Variants in ZNF770 observed in about 807,000 individuals in gnomAD.
ZNF770 encodes zinc finger protein 770.
Under a neutral mutation model 44.8 loss-of-function variants are expected in ZNF770, and 13 were observed. That is an observed-to-expected ratio of 0.29 (90% confidence interval 0.19 to 0.46). The LOEUF is 0.46. Among genes scored for constraint, ZNF770 ranks in the 20% least tolerant of loss-of-function variants. The pLI is 1.00. For synonymous variants in ZNF770, 304 were observed against 271.8 expected, an observed-to-expected ratio of 1.12 and a Z score of -1.17; for missense variants, 681 against 797.9, an observed-to-expected ratio of 0.85 and a Z score of 1.77.
chr15:34,983,044 T>C lies in ZNF770; in HGVS notation c.391A>G (p.Asn131Asp). The change falls in exon 3 of 3, where the codon AAT becomes GAT. Residue 131 changes from asparagine to aspartate, a missense_variant. Around this residue, in one of 5 missense-constraint regions of ZNF770, gnomAD observed 432 missense variants for 434.1 expected, o/e 1.00. Transcript: ENST00000356321. Reference protein sequence around the residue: ...KQEKSMYGVYNTFTTEERWAL... With the variant: ...KQEKSMYGVYDTFTTEERWAL... ...CATCTTTCCTCTGTGGTAAAAGTAT[T>C]ATACACTCCATACATTGACTTTTCT... 1 of 1,614,090 alleles carries C rather than the reference T, an allele frequency of 6.2e-7. No individual in the cohort carries two copies. Among genetic ancestry groups the C allele is most frequent in the Non-Finnish European group, 8.5e-7 (1 of 1,179,956 alleles).
In ZNF770 at chr15:34,978,375, G is replaced by A. The variant is rs1019381859; in HGVS notation, c.*2984C>T. The A allele has an allele frequency of 2.1e-4, 30 of 142,986 alleles. No homozygotes were observed. The highest frequency in any genetic ancestry group is 8.3e-4 in the African/African-American group (30 of 35,938). 8.9% of individuals were successfully genotyped at this position (142,986 alleles called of 1,614,324 possible). Reference sequence around the variant, plus strand: ...TGGAACTTTATTTTTAAAGTATTCTGAAAATTTTCCAAGAATTTTAACCAC... The same window carrying A: ...TGGAACTTTATTTTTAAAGTATTCTAAAAATTTTCCAAGAATTTTAACCAC... On this transcript the variant is annotated 3_prime_UTR_variant, in exon 3 of 3. Coordinates refer to ENST00000356321, the MANE Select transcript of ZNF770 (RefSeq NM_014106.4).
At position 34,983,435 on chromosome 15, in the gene ZNF770, AT is replaced by A; in HGVS notation, c.-2del. 1 of 1,544,046 alleles carries A rather than the reference AT, an allele frequency of 6.5e-7. No individual in the cohort carries two copies. The highest frequency in any genetic ancestry group is 8.7e-7 in the Non-Finnish European group (1 of 1,144,224). ...TTTTTAAATTGTTTTCAGCCATCAT[AT>A]TCTTCAATGATATACTCTGATGAGC... On this transcript the variant is annotated 5_prime_UTR_variant, in exon 3 of 3. Coordinates refer to ENST00000356321, the MANE Select transcript of ZNF770 (RefSeq NM_014106.4).
At position 34,979,737 on chromosome 15, in the gene ZNF770, AAT is replaced by A. The variant is rs1408318762; in HGVS notation, c.*1620_*1621del. The A allele has an allele frequency of 2.3e-5, 10 of 437,940 alleles. No individual in the cohort carries two copies. Among genetic ancestry groups the A allele is most frequent in the Non-Finnish European group, 3.6e-5 (8 of 219,720 alleles). 27.1% of individuals were successfully genotyped at this position (437,940 alleles called of 1,614,324 possible). On this transcript the variant is annotated 3_prime_UTR_variant, in exon 3 of 3. Coordinates refer to ENST00000356321, the MANE Select transcript of ZNF770 (RefSeq NM_014106.4). ...CAATTGTTCATTTATCCACATTCTCAATAGAGGATTTTCCACTATATTTAAGT... is the reference window on the plus strand; with the variant it reads ...CAATTGTTCATTTATCCACATTCTCAAGAGGATTTTCCACTATATTTAAGT...
rs2050382616 is a variant in ZNF770 at position 34,978,767 on chromosome 15, T to C, written c.*2592A>G. On this transcript the variant is annotated 3_prime_UTR_variant, in exon 3 of 3. Coordinates refer to ENST00000356321, the MANE Select transcript of ZNF770 (RefSeq NM_014106.4). ...AAGTACAGTTGTCCCTTGGTATCCA[T>C]GGGGTATTGGTTCCTGGACCGTCCC... 6.6e-6 allele frequency: 1 copy of C among 152,190 alleles called. No homozygotes were observed. Among genetic ancestry groups the C allele is most frequent in the Non-Finnish European group, 1.5e-5 (1 of 68,032 alleles). The allele number at this position is 152,190 out of a possible 1,614,324, so 9.4% of individuals were successfully genotyped here.
chr15:34,978,696 C>A lies in ZNF770; in HGVS notation c.*2663G>T, dbSNP rs1385506240. On this transcript the variant is annotated 3_prime_UTR_variant, in exon 3 of 3. Transcript: ENST00000356321. ...TCTTCTTAACATGTATATTTTCATTCCTATAAAGTTTCCATAAGAAGCTTG... is the reference window on the plus strand; with the variant it reads ...TCTTCTTAACATGTATATTTTCATTACTATAAAGTTTCCATAAGAAGCTTG... 6.9e-6 allele frequency: 1 copy of A among 144,692 alleles called. No individual in the cohort carries two copies. The highest frequency in any genetic ancestry group is 7.3e-5 in the Admixed American group (1 of 13,710). The allele number at this position is 144,692 out of a possible 1,614,324, so 9.0% of individuals were successfully genotyped here. A position where few individuals can be genotyped will look rare whatever the true frequency, so the allele number is the denominator to read the frequency against.
rs572308988 is a variant in ZNF770 at position 34,981,249 on chromosome 15, T to C, written c.*110A>G. 7.1e-5 allele frequency: 80 copies of C among 1,129,442 alleles called. No homozygotes were observed. The Middle Eastern group carries it at 1.5e-3, about 21-fold the overall frequency. The allele number at this position is 1,129,442 out of a possible 1,614,324, so 70.0% of individuals were successfully genotyped here. A position where few individuals can be genotyped will look rare whatever the true frequency, so the allele number is the denominator to read the frequency against. Reference sequence around the variant, plus strand: ...TTACTATGCAGGACAAGCAAATGCCTGTGAAACCATTCAGTTTAATGCAGG... The same window carrying C: ...TTACTATGCAGGACAAGCAAATGCCCGTGAAACCATTCAGTTTAATGCAGG... On this transcript the variant is annotated 3_prime_UTR_variant, in exon 3 of 3. Coordinates refer to ENST00000356321, the MANE Select transcript of ZNF770 (RefSeq NM_014106.4).
chr15:34,984,678 C>G (rs925952793), intron 2 of ZNF770, among the ~76,000 whole-genome samples: 5 of 151,768 alleles, frequency 3.3e-5, no homozygotes, highest in Non-Finnish European at 5.9e-5. Flanking sequence ...CTCCTTTTCA[C>G]TTTGTTGTGA....
At chr15:34,985,603 A>G (rs951881905) in intron 2 of ZNF770, among the ~76,000 whole-genome samples, 3 of 152,198 alleles carry the variant, frequency 2.0e-5, no homozygotes, top group African/African-American at 7.2e-5. Flanking sequence ...GTTATTTAAA[A>G]TAAGAGCGGA....
At position 34,981,411 on chromosome 15, in the gene ZNF770, T is replaced by G. The variant is rs1162712500; in HGVS notation, c.2024A>C (p.His675Pro). The G allele has an allele frequency of 6.2e-7, 1 of 1,613,760 alleles. No individual in the cohort carries two copies. Among genetic ancestry groups the G allele is most frequent in the Non-Finnish European group, 8.5e-7 (1 of 1,180,018 alleles). ...APHWKRHQLT[H>P]FKERPQGKVV... ...TTTCCCTTGTGGTCGTTCTTTAAAG[T>G]GAGTAAGCTGATGTCTCTTCCAGTG... Residue 675 changes from histidine (H) to proline (P), a missense_variant, in exon 3 of 3, where the codon CAC becomes CCC. By Grantham distance (77) the His-to-Pro change is moderately conservative. Coordinates refer to ENST00000356321, the MANE Select transcript of ZNF770 (RefSeq NM_014106.4).
rs1313696091 is a variant in ZNF770 at position 34,979,775 on chromosome 15, A to G, written c.*1584T>C. 1 of 417,032 alleles carries G rather than the reference A, an allele frequency of 2.4e-6. No homozygotes were observed. The highest frequency in any genetic ancestry group is 2.1e-5 in the African/African-American group (1 of 48,040). 25.8% of individuals were successfully genotyped at this position (417,032 alleles called of 1,614,324 possible). ...CCACTATATTTAAGTATGGCAGGAT[A>G]ATTACCCACCTGTTCCTCTTTTCAG... On this transcript the variant is annotated 3_prime_UTR_variant, in exon 3 of 3. Coordinates refer to ENST00000356321, the MANE Select transcript of ZNF770 (RefSeq NM_014106.4).
rs1165083580 is a variant in ZNF770, at chr15:34,983,061, G to A, written c.374C>T (p.Ser125Leu). 1.2e-6 allele frequency: 2 copies of A among 1,613,934 alleles called. No homozygotes were observed. Among genetic ancestry groups the A allele is most frequent in the Non-Finnish European group, 8.5e-7 (1 of 1,179,962 alleles). The change falls in exon 3 of 3, where the codon TCA becomes TTA. Residue 125 changes from serine to leucine, a missense_variant. Around this residue, in one of 5 missense-constraint regions of ZNF770, gnomAD observed 432 missense variants for 434.1 expected, o/e 1.00. Coordinates refer to ENST00000356321, the MANE Select transcript of ZNF770 (RefSeq NM_014106.4). ...AAAAGTATTATACACTCCATACATT[G>A]ACTTTTCTTGCTTGGCCTCCAGCAA... ...RRLLEAKQEK[S>L]MYGVYNTFTT... is the part of the protein sequence containing the mutation.
At position 34,983,007 on chromosome 15, in the gene ZNF770, G is replaced by A. The variant is rs776984961; in HGVS notation, c.428C>T (p.Pro143Leu). 6 of 1,613,860 alleles carry A rather than the reference G, an allele frequency of 3.7e-6. No individual in the cohort carries two copies. The African/African-American group carries it at 4.0e-5, about 11-fold the overall frequency. ...ATACATGGGATCAGACTTAGAGCAC[G>A]GGTGTAATGCCCATCTTTCCTCTGT... is the stretch of plus-strand genomic sequence containing the variant. The part of the protein sequence containing the change: ...FTTEERWALH[P>L]CSKSDPMYSM... Residue 143 changes from proline to leucine, a missense_variant, in exon 3 of 3, where the codon CCG becomes CTG. Transcript: ENST00000356321.
In ZNF770 at chr15:34,981,327, C is replaced by G; in HGVS notation, c.*32G>C. ...ATACAGGCTTTAAAAATAAGATCAC[C>G]AGAGACCACAATTGTTAGTGGTTGC... On this transcript the variant is annotated 3_prime_UTR_variant, in exon 3 of 3. Coordinates refer to ENST00000356321, the MANE Select transcript of ZNF770 (RefSeq NM_014106.4). 3 of 1,566,822 alleles carry G rather than the reference C, an allele frequency of 1.9e-6. No homozygotes were observed. Among genetic ancestry groups the G allele is most frequent in the Non-Finnish European group, 2.6e-6 (3 of 1,162,742 alleles).
Position 34,983,134 on chromosome 15 carries a change from G to T in ZNF770, c.301C>A (p.Gln101Lys). 6.2e-7 allele frequency: 1 copy of T among 1,613,980 alleles called. No individual in the cohort carries two copies. The highest frequency in any genetic ancestry group is 8.5e-7 in the Non-Finnish European group (1 of 1,179,956). ...TTCTGATAGGTTTCATTGTGAAGTT[G>T]TTGGTGCTTCACAAATGTCTTCAGA... ...KNLKTFVKHQQLHNETYQNNV... is the reference protein window; with the variant it reads ...KNLKTFVKHQKLHNETYQNNV... Residue 101 changes from glutamine (Q) to lysine (K), a missense_variant, in exon 3 of 3, where the codon CAA becomes AAA. Around this residue, in one of 5 missense-constraint regions of ZNF770, gnomAD observed 432 missense variants for 434.1 expected, o/e 1.00. Coordinates refer to ENST00000356321, the MANE Select transcript of ZNF770 (RefSeq NM_014106.4).
intron 2 of ZNF770, among the ~76,000 whole-genome samples, chr15:34,986,868 G>T (rs1043329458): frequency 3.3e-5 from 5 of 152,212 alleles, no homozygotes; most frequent in African/African-American, 1.2e-4. Context: ...AGAAGTTATG[G>T]GATTTGCATA....
Position 34,981,086 on chromosome 15 carries a change from T to G in ZNF770, c.*273A>C. ...ATTATTTGTACAGCCATCATGGATT[T>G]ATATTTTTCAATACAGCCAAAGTAT... On this transcript the variant is annotated 3_prime_UTR_variant, in exon 3 of 3. Coordinates refer to ENST00000356321, the MANE Select transcript of ZNF770 (RefSeq NM_014106.4). 1 of 367,952 alleles carries G rather than the reference T, an allele frequency of 2.7e-6. No homozygotes were observed. The highest frequency in any genetic ancestry group is 4.9e-6 in the Non-Finnish European group (1 of 204,462). 22.8% of individuals were successfully genotyped at this position (367,952 alleles called of 1,614,324 possible). A position where few individuals can be genotyped will look rare whatever the true frequency, so the allele number is the denominator to read the frequency against.
At chr15:34,986,753 G>C (rs2050437306) in intron 2 of ZNF770, among the ~76,000 whole-genome samples, 1 of 152,220 alleles carries the variant, frequency 6.6e-6, no homozygotes, top group African/African-American at 2.4e-5. Context: ...AGGAAAGGGA[G>C]GGGAAGGTCT....
chr15:34,981,613 T>C lies in ZNF770; in HGVS notation c.1822A>G (p.Asn608Asp). 1.2e-6 allele frequency: 2 copies of C among 1,614,176 alleles called. No homozygotes were observed. Among genetic ancestry groups the C allele is most frequent in the Non-Finnish European group, 1.7e-6 (2 of 1,180,028 alleles). The change falls in exon 3 of 3, where the codon AAT becomes GAT. Residue 608 changes from asparagine (N) to aspartate (D), a missense_variant. Transcript: ENST00000356321. ...TGCTCTGAATAACTGCAAAAAGGATTGCTTTGCTCTGATTCCAAAAGTACA... is the reference window on the plus strand; with the variant it reads ...TGCTCTGAATAACTGCAAAAAGGATCGCTTTGCTCTGATTCCAAAAGTACA... ...PNVLLESEQS[N>D]PFCSYSEHQE...
In ZNF770 at chr15:34,982,164, G is replaced by GT; in HGVS notation, c.1270dup (p.Thr424AsnfsTer9). On this transcript the variant is annotated frameshift_variant, in exon 3 of 3. Transcript: ENST00000356321. LOFTEE classifies it high-confidence loss of function. ...ATCAATGCTTAATATGTTTTCTGTC[G>GT]TAAGGATGCCTTTCAAATTTTTTCC... 1 of 1,613,108 alleles carries GT rather than the reference G, an allele frequency of 6.2e-7. No homozygotes were observed. The highest frequency in any genetic ancestry group is 8.5e-7 in the Non-Finnish European group (1 of 1,179,774).
Sources: allele counts gnomAD v4.1 joint callset (sites outside exome capture counted in the v4.1 genomes callset), GRCh38; gene constraint gnomAD v4.1.1; regional missense constraint gnomAD v4.1.1; transcripts MANE v1.5; gene names NCBI Gene and HGNC (gene_info 2026-07-23, HGNC 2026-07-21).